The following TDRD3 variants were observed in gnomAD, a reference collection of about 807,000 sequenced individuals.
TDRD3 encodes the protein tudor domain-containing protein 3.
A neutral mutation model predicts 86.7 loss-of-function variants in TDRD3; 45 were observed. The observed-to-expected ratio is 0.52, with a 90% CI of 0.41 to 0.67. TDRD3 has a LOEUF of 0.67. Ranked by LOEUF, TDRD3 falls within the 30% of genes least tolerant of loss-of-function variation. The probability of loss-of-function intolerance (pLI) is 0.00; values close to 1 mark genes in which losing one functional copy is unlikely to be tolerated. For synonymous variants in TDRD3, 298 were observed against 301.7 expected, an observed-to-expected ratio of 0.99 and a Z score of 0.13; for missense variants, 814 against 889.0, an observed-to-expected ratio of 0.92 and a Z score of 1.07.
chr13:60,453,885 T>C (rs1210779730), intron 3 of TDRD3, among the ~76,000 whole-genome samples: 1 of 152,216 alleles, frequency 6.6e-6, no homozygotes, highest in East Asian at 1.9e-4. Context: ...AGACAACTTC[T>C]TAATTCAACT....
intron 1 of TDRD3, among the ~76,000 whole-genome samples, chr13:60,413,685 CT>C (rs1208267935): frequency 1.3e-5 from 2 of 152,150 alleles, no homozygotes; most frequent in Admixed American, 1.3e-4. Flanking sequence ...ACATGAATTT[CT>C]GATCTTGTGT....
chr13:60,460,287 A>G (rs952401000), intron 3 of TDRD3, 93 bp from the exon 4 acceptor site: 19 of 1,086,972 alleles, frequency 1.7e-5, no homozygotes, highest in African/African-American at 3.4e-5. Flanking sequence ...AAGCATGACT[A>G]TTAAGGAAAA....
At chr13:60,463,766 T>G (rs1472627289) in intron 4 of TDRD3, among the ~76,000 whole-genome samples, 1 of 152,176 alleles carries the variant, frequency 6.6e-6, no homozygotes, top group African/African-American at 2.4e-5. Context: ...GAAAAAATGC[T>G]CAGCATCACT....
chr13:60,434,890 A>G (rs1437375085), intron 1 of TDRD3, among the ~76,000 whole-genome samples: 3 of 152,098 alleles, frequency 2.0e-5, no homozygotes, highest in Admixed American at 1.3e-4. Context: ...TCCACTTTTC[A>G]GTTGCTTTCT....
intron 12 of TDRD3, among the ~76,000 whole-genome samples, chr13:60,544,113 A>T (rs181617104): frequency 1.3e-4 from 20 of 151,398 alleles, no homozygotes; most frequent in South Asian, 2.1e-4. Context: ...CTTTTTTTTT[A>T]AATTTTTTTC....
At chr13:60,401,154 A>G (rs951058) in intron 1 of TDRD3, among the ~76,000 whole-genome samples, 73,551 of 151,846 alleles carry the variant, frequency 0.48, 18,228 homozygotes, top group South Asian at 0.55. Flanking sequence ...TGTATTTTTT[A>G]AGGTTTAAGA....
At chr13:60,551,084 A>G (rs901349601) in intron 12 of TDRD3, among the ~76,000 whole-genome samples, 5 of 152,150 alleles carry the variant, frequency 3.3e-5, no homozygotes, top group Non-Finnish European at 7.4e-5. Context: ...TTAAAATGCG[A>G]GTGAGATGGA....
chr13:60,544,119 T>G (rs1957880534), intron 12 of TDRD3, among the ~76,000 whole-genome samples: 1 of 151,974 alleles, frequency 6.6e-6, no homozygotes. Context: ...TTTTAAATTT[T>G]TTTCTGTCGT....
intron 12 of TDRD3, among the ~76,000 whole-genome samples, chr13:60,549,377 T>C (rs1473002156): frequency 6.6e-6 from 1 of 152,168 alleles, no homozygotes. Flanking sequence ...ATAGTGACTA[T>C]ATTATTGCCC....
At chr13:60,488,950 A>G (rs1956516490) in intron 7 of TDRD3, among the ~76,000 whole-genome samples, 1 of 152,138 alleles carries the variant, frequency 6.6e-6, no homozygotes, top group African/African-American at 2.4e-5. Flanking sequence ...TATTCTAGAT[A>G]TTAACTCCTT....
At chr13:60,525,283 C>T (rs576849096) in intron 10 of TDRD3, among the ~76,000 whole-genome samples, 2 of 143,162 alleles carry the variant, frequency 1.4e-5, no homozygotes, top group South Asian at 4.7e-4. Flanking sequence ...AAGCAATTCT[C>T]CCACTTCACC....
At chr13:60,536,011 T>C (rs1003484626) in intron 12 of TDRD3, 12 of 152,240 alleles carry the variant, frequency 7.9e-5, no homozygotes, top group African/African-American at 2.9e-4. Flanking sequence ...TCAACAAATA[T>C]GTTGGTATTT....
chr13:60,483,814 G>A lies in TDRD3; in HGVS notation c.535G>A (p.Gly179Ser). The A allele has an allele frequency of 6.2e-7, 1 of 1,613,324 alleles. No homozygotes were observed. The highest frequency in any genetic ancestry group is 8.5e-7 in the Non-Finnish European group (1 of 1,179,596). Residue 179 changes from glycine (G) to serine (S), a missense_variant, in exon 6 of 14, where the codon GGT becomes AGT. Coordinates refer to ENST00000377881, the MANE Select transcript of TDRD3 (RefSeq NM_001146070.2). ...KHNRSNIGTE[G>S]GPPPFVPFGQ... Reference sequence around the variant, plus strand: ...CAATAGAAGCAATATTGGAACTGAAGGTGGACCACCGCCTTTTGTGCCTTT... The same window carrying A: ...CAATAGAAGCAATATTGGAACTGAAAGTGGACCACCGCCTTTTGTGCCTTT...
intron 2 of TDRD3, among the ~76,000 whole-genome samples, chr13:60,444,470 T>A (rs1566195769): frequency 6.6e-6 from 1 of 151,954 alleles, no homozygotes; most frequent in Admixed American, 6.6e-5. Context: ...GATTAAGGCC[T>A]TATGTGTTAC....
intron 8 of TDRD3, among the ~76,000 whole-genome samples, chr13:60,495,608 C>G (rs1956695667): frequency 6.6e-6 from 1 of 152,034 alleles, no homozygotes; most frequent in Admixed American, 6.6e-5. Context: ...GGATTATAGG[C>G]ACCTGCCACC....
At chr13:60,439,892 C>A in intron 2 of TDRD3, 120 bp downstream of exon 2, 1 of 609,908 alleles carries the variant, frequency 1.6e-6, no homozygotes, top group Non-Finnish European at 2.7e-6. Flanking sequence ...TTATTTTGTC[C>A]ATTTTAAGTT....
At chr13:60,547,043 A>G (rs1490012829) in intron 12 of TDRD3, among the ~76,000 whole-genome samples, 1 of 152,226 alleles carries the variant, frequency 6.6e-6, no homozygotes, top group Non-Finnish European at 1.5e-5. Flanking sequence ...AAAAAAAATA[A>G]TTTCAAAGTT....
intron 10 of TDRD3, among the ~76,000 whole-genome samples, chr13:60,525,394 G>A (rs879433057): frequency 6.6e-5 from 10 of 151,590 alleles, no homozygotes; most frequent in Middle Eastern, 6.8e-3. Flanking sequence ...GGCTGGTCTC[G>A]AACTCCTGAC....
intron 12 of TDRD3, among the ~76,000 whole-genome samples, chr13:60,556,255 G>C (rs189326498): frequency 1.1e-4 from 16 of 152,186 alleles, no homozygotes; most frequent in African/African-American, 3.6e-4. Context: ...CAAGATTAAG[G>C]TACATTTCAA....
Sources: gnomAD v4.1 joint callset for allele counts (sites outside exome capture counted in the v4.1 genomes callset) on GRCh38, gnomAD v4.1.1 for gene constraint, MANE v1.5 for transcripts, NCBI Gene and HGNC (gene_info 2026-07-23, HGNC 2026-07-21) for gene names.